TBC1D28: variants seen among roughly 807,000 people sequenced by gnomAD.
TBC1D28 encodes TBC1 domain family, member 28.
TBC1D28 carries 20 observed loss-of-function variants against 29.2 expected under a neutral mutation model. The observed-to-expected ratio is 0.68, with a 90% CI of 0.48 to 0.99. TBC1D28 has a LOEUF of 0.99. TBC1D28 is among the 50% of genes least tolerant of loss of function. TBC1D28 has a pLI of 0.00. For missense variants in TBC1D28, 205 were observed against 243.7 expected (o/e 0.84, Z 1.06); for synonymous variants, 65 against 90.9 (o/e 0.71, Z 1.62).
chr17:18,637,636 C>T (rs1285466835), intron 8 of TBC1D28, among the ~76,000 whole-genome samples: 47 of 151,586 alleles, frequency 3.1e-4, no homozygotes, highest in East Asian at 2.0e-4. Flanking sequence ...TTCTGCCTTC[C>T]GTCTCCTTGG....
chr17:18,639,279 G>C, intron 4 of TBC1D28, 65 bp from the exon 6 acceptor site: 2 of 1,592,872 alleles, frequency 1.3e-6, no homozygotes, highest in Non-Finnish European at 1.7e-6. Context: ...CTCCCTGAGA[G>C]GGCCCCAGGG....
exon 9 of TBC1D28, chr17:18,635,758 G>C (rs2031465918): frequency 3.0e-6 from 3 of 991,572 alleles, no homozygotes; most frequent in Non-Finnish European, 3.6e-6. Flanking sequence ...ATCCAAGCCT[G>C]CTGCCACCGT....
In TBC1D28 at chr17:18,638,266, A is replaced by C. The variant is rs766067511; in HGVS notation, c.387+47T>G. The C allele has an allele frequency of 2.5e-6, 4 of 1,601,594 alleles. No individual in the cohort carries two copies. In the South Asian group the frequency reaches 4.4e-5, roughly 18 times the overall value. On this transcript the variant is annotated intron_variant, in intron 7 of 8. Coordinates refer to ENST00000345096, the Ensembl canonical transcript of TBC1D28. ...AGCTGGAGTCCTGGGATCCTGATAC[A>C]GTCTAGCTTGTTTGTACTGCCCTAG...
In TBC1D28 at chr17:18,641,360, G is replaced by A; in HGVS notation, c.-1-7C>T. On this transcript the variant is annotated splice_polypyrimidine_tract_variant and splice_region_variant and intron_variant, in intron 2 of 8. Transcript: ENST00000345096. The stretch of plus-strand genomic sequence containing the variant: ...GTCCTCATCCATCTCCATCCTGCAA[G>A]ACAAAGTCATCCCAAGGCTCTCCCG... 6.2e-7 allele frequency: 1 copy of A among 1,613,812 alleles called. No individual in the cohort carries two copies. Among genetic ancestry groups the A allele is most frequent in the Non-Finnish European group, 8.5e-7 (1 of 1,179,780 alleles).
chr17:18,637,980 G>C lies in TBC1D28; in HGVS notation c.388-7C>G, dbSNP rs923785412. On this transcript the variant is annotated splice_polypyrimidine_tract_variant and splice_region_variant and intron_variant, in intron 7 of 8. Coordinates refer to ENST00000345096, the Ensembl canonical transcript of TBC1D28. ...TGCCCTTCTCCTTCATGACCTGTAGGGCGGGGCCAAGAGGAGGAAGCAGCC... is the reference window on the plus strand; with the variant it reads ...TGCCCTTCTCCTTCATGACCTGTAGCGCGGGGCCAAGAGGAGGAAGCAGCC... 4 of 1,349,324 alleles carry C rather than the reference G, an allele frequency of 3.0e-6. No homozygotes were observed. The East Asian group carries it at 1.0e-4, about 35-fold the overall frequency. The allele number at this position is 1,349,324 out of a possible 1,614,324, so 83.6% of individuals were successfully genotyped here. A position where few individuals can be genotyped will look rare whatever the true frequency, so the allele number is the denominator to read the frequency against.
chr17:18,643,987 G>A (rs947592233), upstream of TBC1D28, among the ~76,000 whole-genome samples: 1 of 152,214 alleles, frequency 6.6e-6, no homozygotes, highest in Non-Finnish European at 1.5e-5. Context: ...ACCCTGGGCA[G>A]ATTTGGAATC....
chr17:18,638,726 T>C, intron 5 of TBC1D28, 25 bp from the exon 7 acceptor site: 1 of 1,613,990 alleles, frequency 6.2e-7, no homozygotes, highest in Non-Finnish European at 8.5e-7. Flanking sequence ...ATGATGGAGT[T>C]AGCGGAGCTG....
upstream of TBC1D28, among the ~76,000 whole-genome samples, chr17:18,644,083 C>G (rs1253560545): frequency 6.6e-6 from 1 of 152,002 alleles, no homozygotes; most frequent in Non-Finnish European, 1.5e-5. Flanking sequence ...CAGTCACCTC[C>G]TCTCTGACCC....
At chr17:18,641,956 A>G (rs979091239) in exon 1 of TBC1D28, 2 of 171,812 alleles carry the variant, frequency 1.2e-5, no homozygotes, top group African/African-American at 4.8e-5. Flanking sequence ...GACGGTGGAC[A>G]CCACAATTCC....
At chr17:18,636,625 T>C in intron 8 of TBC1D28, 28 bp from the exon 10 acceptor site, 1 of 1,600,158 alleles carries the variant, frequency 6.2e-7, no homozygotes, top group South Asian at 1.1e-5. Context: ...GAGGGTTTTG[T>C]TTTTTTTGTG....
exon 1 of TBC1D28, chr17:18,642,179 C>T (rs138003172): frequency 0.13 from 19,170 of 152,236 alleles, 1,251 homozygotes; most frequent in African/African-American, 0.14. Context: ...CCAGGAGAGA[C>T]GATTGTCACC....
At chr17:18,641,318 G>A (rs2031754326) in exon 3 of TBC1D28, 1 of 1,613,718 alleles carries the variant, frequency 6.2e-7, no homozygotes, top group African/African-American at 1.3e-5. Flanking sequence ...TTGCCCCTGG[G>A]CAGGCAGGTT....
chr17:18,635,912 G>A (rs772886770), exon 9 of TBC1D28: 143 of 995,624 alleles, frequency 1.4e-4, no homozygotes, highest in African/African-American at 2.9e-4. Context: ...GAAGTCACCC[G>A]CCAGTCTGAA....
intron 6 of TBC1D28, 45 bp from the exon 8 acceptor site, chr17:18,638,465 C>T (rs777918156): frequency 5.6e-6 from 9 of 1,608,560 alleles, no homozygotes; most frequent in Non-Finnish European, 8.5e-7. Flanking sequence ...ATGGGGCAAC[C>T]CCGCAGAGGA....
exon 9 of TBC1D28, chr17:18,636,399 C>A (rs1318017266): frequency 1.4e-5 from 23 of 1,591,570 alleles, no homozygotes; most frequent in Non-Finnish European, 2.0e-5. Flanking sequence ...GGCTTCAACC[C>A]TTTTCTGCCA....
rs771376939 is a variant in TBC1D28 at position 18,641,322 on chromosome 17, G to A, written c.31C>T (p.Pro11Ser). ...ATGATATTGCCTTGCCCCTGGGCAG[G>A]CAGGTTATCCGGGTCCTCATCCATC... is the stretch of plus-strand genomic sequence containing the variant. Residue 11 changes from proline (P) to serine (S), a missense_variant, in exon 3 of 9, where the codon CCT becomes TCT. Pro to Ser is a moderately conservative substitution (Grantham distance 74, BLOSUM62 -1). Transcript: ENST00000345096. 21 of 1,613,750 alleles carry A rather than the reference G, an allele frequency of 1.3e-5. No individual in the cohort carries two copies. The South Asian group carries it at 2.2e-4, about 17-fold the overall frequency.
chr17:18,638,371 G>T (rs574074719), exon 7 of TBC1D28: 4 of 1,614,116 alleles, frequency 2.5e-6, no homozygotes, highest in Non-Finnish European at 1.7e-6. Flanking sequence ...AAGTGACAAC[G>T]CCCGGCCCCG....
At chr17:18,638,136 G>A in intron 7 of TBC1D28, 163 bp from the exon 9 acceptor site, 1 of 1,352,814 alleles carries the variant, frequency 7.4e-7, no homozygotes, top group Non-Finnish European at 1.0e-6. Context: ...CGCCAGGGAG[G>A]GTCAGCAGAG....
At position 18,638,371 on chromosome 17, in the gene TBC1D28, G is replaced by A. The variant is rs574074719; in HGVS notation, c.329C>T (p.Ala110Val). ...GTCAATATCTAGCAAAAGTGACAAC[G>A]CCCGGCCCCGCACCGCCAGGGGAAT... Residue 110 changes from alanine to valine, a missense_variant, in exon 7 of 9, where the codon GCG becomes GTG. Physicochemically the swap from Ala to Val is moderately conservative, Grantham distance 64. Coordinates refer to ENST00000345096, the Ensembl canonical transcript of TBC1D28. 77 of 1,614,234 alleles carry A rather than the reference G, an allele frequency of 4.8e-5. 1 individual carries two copies. The East Asian group carries it at 1.4e-3, about 30-fold the overall frequency.
Sources: gnomAD v4.1 joint callset for allele counts (sites outside exome capture counted in the v4.1 genomes callset) on GRCh38, gnomAD v4.1.1 for gene constraint, MANE v1.5 for transcripts, NCBI Gene and HGNC (gene_info 2026-07-23, HGNC 2026-07-21) for gene names.